The following CSMD1 variants were observed in gnomAD, a reference collection of about 807,000 sequenced individuals.
The protein encoded by CSMD1 is CUB and Sushi multiple domains 1, also known as CUB and sushi domain-containing protein 1.
Under a neutral mutation model 417.5 loss-of-function variants are expected in CSMD1, and 213 were observed. That is an observed-to-expected ratio of 0.51 (90% CI 0.46 to 0.57). The LOEUF (loss-of-function observed/expected upper bound fraction) is 0.57, where lower values mean the gene tolerates loss of function less well. CSMD1 is among the 20% of genes least tolerant of loss of function. CSMD1 has a pLI of 0.00. For missense variants in CSMD1, 6,923 were observed against 4,529.7 expected, an observed-to-expected ratio of 1.53 and a Z score of -15.17; for synonymous variants, 2,862 against 1,736.8, an observed-to-expected ratio of 1.65 and a Z score of -16.11.
intron 1 of CSMD1, among the ~76,000 whole-genome samples, chr8:4,855,359 C>A (rs1015610068): frequency 1.3e-5 from 2 of 152,182 alleles, no homozygotes; most frequent in Non-Finnish European, 1.5e-5. Context: ...CAGAGCGCCT[C>A]TCCTCCTCCA....
intron 5 of CSMD1, among the ~76,000 whole-genome samples, chr8:3,881,486 A>T (rs924691820): frequency 1.3e-5 from 2 of 151,518 alleles, no homozygotes; most frequent in Non-Finnish European, 2.9e-5. Context: ...AATACAAAAA[A>T]ATTAGCTGGG....
intron 3 of CSMD1, among the ~76,000 whole-genome samples, chr8:4,236,103 C>T (rs34879095): frequency 0.36 from 51,555 of 144,374 alleles, 11,368 homozygotes; most frequent in Non-Finnish European, 0.5. Flanking sequence ...CCTGTAGGCC[C>T]AGCACAGGGC....
intron 10 of CSMD1, among the ~76,000 whole-genome samples, chr8:3,548,105 C>G (rs1228661496): frequency 6.6e-6 from 1 of 152,090 alleles, no homozygotes. Flanking sequence ...AAATACCGTG[C>G]TCAGAAGAGC....
intron 2 of CSMD1, among the ~76,000 whole-genome samples, chr8:4,629,984 T>G (rs1225971278): frequency 6.6e-6 from 1 of 152,120 alleles, no homozygotes. Context: ...CACACACCTG[T>G]ATTTACAAAT....
At chr8:3,999,900 C>T (rs988847482) in intron 4 of CSMD1, among the ~76,000 whole-genome samples, 1 of 152,150 alleles carries the variant, frequency 6.6e-6, no homozygotes, top group African/African-American at 2.4e-5. Flanking sequence ...TGTAGGACAT[C>T]TCAGGAAACT....
At chr8:4,711,376 T>A (rs1808286004) in intron 1 of CSMD1, among the ~76,000 whole-genome samples, 1 of 152,188 alleles carries the variant, frequency 6.6e-6, no homozygotes, top group Non-Finnish European at 1.5e-5. Flanking sequence ...GAAATTAATG[T>A]TAAATTGCAT....
intron 1 of CSMD1, among the ~76,000 whole-genome samples, chr8:4,857,415 T>C: frequency 6.6e-6 from 1 of 151,442 alleles, no homozygotes; most frequent in South Asian, 2.1e-4. Context: ...ATAACTAAAA[T>C]CAGAACAGAA....
At chr8:4,417,426 T>C (rs961308404) in intron 3 of CSMD1, among the ~76,000 whole-genome samples, 6 of 152,040 alleles carry the variant, frequency 3.9e-5, no homozygotes, top group Non-Finnish European at 7.4e-5. Flanking sequence ...CTTAGAACTT[T>C]GGAAGATTCT....
chr8:3,598,977 A>G (rs1216709879), intron 8 of CSMD1, among the ~76,000 whole-genome samples: 1 of 152,156 alleles, frequency 6.6e-6, no homozygotes, highest in East Asian at 1.9e-4. Flanking sequence ...GCTACTCAGG[A>G]GGCTGAGAGA....
At chr8:4,366,703 T>G (rs1802093734) in intron 3 of CSMD1, among the ~76,000 whole-genome samples, 1 of 149,914 alleles carries the variant, frequency 6.7e-6, no homozygotes, top group African/African-American at 2.4e-5. Flanking sequence ...TTTCTTTTTC[T>G]TTTATTTTAT....
In CSMD1 at chr8:3,071,738, T is replaced by A. The variant is rs150641663; in HGVS notation, c.7474+15359A>T. 7.7e-4 allele frequency among the ~76,000 whole-genome samples: 118 copies of A among 152,334 alleles called. 2 individuals carry two copies. In the East Asian group the frequency reaches 0.013, roughly 17 times the overall value. ...ACACCATTACAGCCACTAATTCACC[T>A]GACATCAAAACAGCCTAAATGCAGA... On this transcript the variant is annotated intron_variant, in intron 49 of 69. Coordinates refer to ENST00000635120, the MANE Select transcript of CSMD1 (RefSeq NM_033225.6).
At chr8:3,889,785 T>C (rs1176978104) in intron 5 of CSMD1, among the ~76,000 whole-genome samples, 1 of 152,034 alleles carries the variant, frequency 6.6e-6, no homozygotes, top group Non-Finnish European at 1.5e-5. Context: ...GAGAATTATA[T>C]AGGTATCCCA....
intron 5 of CSMD1, among the ~76,000 whole-genome samples, chr8:3,781,091 T>G (rs888531796): frequency 6.6e-6 from 1 of 152,184 alleles, no homozygotes; most frequent in African/African-American, 2.4e-5. Context: ...ATCATGGCAC[T>G]GCAAACTGTT....
chr8:4,523,525 T>TCA (rs766640961), intron 2 of CSMD1, among the ~76,000 whole-genome samples: 60 of 151,896 alleles, frequency 4.0e-4, no homozygotes, highest in Non-Finnish European at 8.1e-4. Flanking sequence ...TCCTTCTCTC[T>TCA]CACACACACA....
intron 10 of CSMD1, among the ~76,000 whole-genome samples, chr8:3,515,979 G>C (rs950346088): frequency 6.6e-6 from 1 of 152,156 alleles, no homozygotes; most frequent in East Asian, 1.9e-4. Context: ...GCCAGTCAAT[G>C]TTCTAAAGGT....
At chr8:3,017,107 A>G (rs1372436108) in intron 52 of CSMD1, among the ~76,000 whole-genome samples, 1 of 152,268 alleles carries the variant, frequency 6.6e-6, no homozygotes, top group Non-Finnish European at 1.5e-5. Context: ...TAAGCAGTAG[A>G]GCAGCAATCA....
chr8:4,275,757 C>G (rs527950093), intron 3 of CSMD1, among the ~76,000 whole-genome samples: 1 of 152,228 alleles, frequency 6.6e-6, no homozygotes, highest in African/African-American at 2.4e-5. Flanking sequence ...GTGCAAAACA[C>G]TTTAGTCACA....
At position 3,895,566 on chromosome 8, in the gene CSMD1, G is replaced by C. The variant is rs140376576; in HGVS notation, c.818+102337C>G. ...AAAAGGATATAAGCACATGAAATAA[G>C]CATATATGGATTTACCTTTCTAATG... is the stretch of plus-strand genomic sequence containing the variant. On this transcript the variant is annotated intron_variant, in intron 5 of 69. Transcript: ENST00000635120. Among the ~76,000 whole-genome samples the C allele has an allele frequency of 4.7e-3, 714 of 152,180 alleles. 7 individuals carry two copies. Among genetic ancestry groups the C allele is most frequent in the African/African-American group, 0.014 (593 of 41,538 alleles).
intron 12 of CSMD1, among the ~76,000 whole-genome samples, chr8:3,430,409 T>C (rs544448005): frequency 6.6e-6 from 1 of 152,326 alleles, no homozygotes; most frequent in Non-Finnish European, 1.5e-5. Flanking sequence ...GTTTATTTTT[T>C]TAATGCTGAA....
Sources: gnomAD v4.1 joint callset for allele counts (sites outside exome capture counted in the v4.1 genomes callset) on GRCh38, gnomAD v4.1.1 for gene constraint, MANE v1.5 for transcripts, NCBI Gene and HGNC (gene_info 2026-07-23, HGNC 2026-07-21) for gene names.